The following WARS2 variants were observed in gnomAD, a reference collection of about 807,000 sequenced individuals.
The protein encoded by WARS2 is tryptophanyl tRNA synthetase 2, mitochondrial, also known as tryptophan--tRNA ligase, mitochondrial.
WARS2 carries 28 observed loss-of-function variants against 36.5 expected under a neutral mutation model. That is an observed-to-expected ratio of 0.77 (90% confidence interval 0.57 to 1.05). WARS2 has a LOEUF of 1.05. WARS2 is among the 50% of genes least tolerant of loss of function. WARS2 has a pLI of 0.00. For missense variants in WARS2, 435 were observed against 456.8 expected, an observed-to-expected ratio of 0.95 and a Z score of 0.44; for synonymous variants, 174 against 178.4, an observed-to-expected ratio of 0.98 and a Z score of 0.20.
chr1:119,043,267 A>C (rs191755268), intron 3 of WARS2, among the ~76,000 whole-genome samples: 4 of 152,318 alleles, frequency 2.6e-5, no homozygotes, highest in Admixed American at 2.6e-4. Flanking sequence ...TGTGTAGACA[A>C]ATCTTACTCA....
chr1:119,105,525 A>G (rs1227365177), intron 1 of WARS2, among the ~76,000 whole-genome samples: 1 of 152,144 alleles, frequency 6.6e-6, no homozygotes, highest in Non-Finnish European at 1.5e-5. Flanking sequence ...AGGTTGGTGG[A>G]GTGGGGAGCC....
intron 2 of WARS2, among the ~76,000 whole-genome samples, chr1:119,072,752 A>G (rs1651423084): frequency 6.6e-6 from 1 of 152,204 alleles, no homozygotes; most frequent in Admixed American, 6.5e-5. Flanking sequence ...GCGTCATTAC[A>G]GTATTATGGT....
intron 2 of WARS2, chr1:119,063,650 G>A (rs1296816343): frequency 6.6e-6 from 1 of 152,240 alleles, no homozygotes; most frequent in African/African-American, 2.4e-5. Context: ...CTCCAGCTGT[G>A]GCTGAAAGGG....
chr1:119,036,094 C>A (rs2101102991), intron 4 of WARS2, among the ~76,000 whole-genome samples: 1 of 152,274 alleles, frequency 6.6e-6, no homozygotes, highest in African/African-American at 2.4e-5. Flanking sequence ...ATCCCAGGTA[C>A]TCCGGAGGCT....
intron 1 of WARS2, among the ~76,000 whole-genome samples, chr1:119,107,457 T>G (rs1281200430): frequency 6.6e-6 from 1 of 152,048 alleles, no homozygotes; most frequent in Non-Finnish European, 1.5e-5. Context: ...AAGTGAAGGG[T>G]GTAGTGTCTG....
At chr1:119,035,611 AC>A (rs1442517500) in intron 4 of WARS2, among the ~76,000 whole-genome samples, 1 of 152,202 alleles carries the variant, frequency 6.6e-6, no homozygotes, top group Non-Finnish European at 1.5e-5. Context: ...GATGAGGGGT[AC>A]ACTGACTTTT....
intron 1 of WARS2, among the ~76,000 whole-genome samples, chr1:119,134,319 C>CAAAAAAAAAAAAAAAAAAAAAA (rs761321480): frequency 1.3e-3 from 83 of 65,868 alleles, no homozygotes; most frequent in East Asian, 3.7e-3. Context: ...GGCAAAGGGG[C>CAAAAAAAAAAAAAAAAAAAAAA]AAAAAAAAAA....
intron 2 of WARS2, chr1:119,064,856 TAAAGG>T (rs1470180485): frequency 6.6e-6 from 1 of 150,410 alleles, no homozygotes; most frequent in African/African-American, 2.5e-5. Context: ...ATACCTATCT[TAAAGG>T]AAAGTCTCAA....
chr1:119,122,442 T>C (rs1234515724), intron 1 of WARS2, among the ~76,000 whole-genome samples: 1 of 152,198 alleles, frequency 6.6e-6, no homozygotes, highest in African/African-American at 2.4e-5. Flanking sequence ...ACACTGCTGG[T>C]AGGAATGTAA....
chr1:119,111,711 G>C (rs1654647935), intron 1 of WARS2, among the ~76,000 whole-genome samples: 1 of 152,112 alleles, frequency 6.6e-6, no homozygotes, highest in Non-Finnish European at 1.5e-5. Flanking sequence ...AGTTTTCCAT[G>C]CTGAGCCTCC....
chr1:119,049,085 G>A (rs765599044), intron 2 of WARS2, among the ~76,000 whole-genome samples: 17 of 152,028 alleles, frequency 1.1e-4, no homozygotes, highest in Non-Finnish European at 2.4e-4. Flanking sequence ...AATATAAAAA[G>A]TAAAAAATAA....
In WARS2 at chr1:119,032,683, C is replaced by G; in HGVS notation, c.*228G>C. On this transcript the variant is annotated 3_prime_UTR_variant, in exon 6 of 6. Transcript: ENST00000235521. ...TAATTGGGGATTCAGACAGCTATGCCTTCTTGATTTATTTTTTGTTGTTGT... is the reference window on the plus strand; with the variant it reads ...TAATTGGGGATTCAGACAGCTATGCGTTCTTGATTTATTTTTTGTTGTTGT... The G allele has an allele frequency of 1.8e-6, 1 of 544,534 alleles. No individual in the cohort carries two copies. Among genetic ancestry groups the G allele is most frequent in the Middle Eastern group, 4.8e-4 (1 of 2,074 alleles). 33.7% of individuals were successfully genotyped at this position (544,534 alleles called of 1,614,324 possible). A position where few individuals can be genotyped will look rare whatever the true frequency, so the allele number is the denominator to read the frequency against.
intron 1 of WARS2, among the ~76,000 whole-genome samples, chr1:119,134,194 G>A (rs1174206629): frequency 6.6e-6 from 1 of 151,778 alleles, no homozygotes; most frequent in Non-Finnish European, 1.5e-5. Flanking sequence ...AGGAGAAACT[G>A]ACATTCTTGC....
chr1:119,052,028 G>A (rs1649406531), intron 2 of WARS2, among the ~76,000 whole-genome samples: 1 of 151,928 alleles, frequency 6.6e-6, no homozygotes, highest in Admixed American at 6.6e-5. Context: ...CCAAAGTGCT[G>A]GGATTAAAGG....
At chr1:119,140,473 G>T in intron 1 of WARS2, 82 bp downstream of exon 1, 1 of 1,299,654 alleles carries the variant, frequency 7.7e-7, no homozygotes, top group South Asian at 1.3e-5. Context: ...GAAGCGGGAG[G>T]AGAGAAATAA....
chr1:119,073,141 A>G (rs1486694381), intron 2 of WARS2, among the ~76,000 whole-genome samples: 2 of 151,662 alleles, frequency 1.3e-5, no homozygotes, highest in African/African-American at 4.9e-5. Flanking sequence ...GAGCAAGACC[A>G]TATCTCTAGT....
intron 2 of WARS2, among the ~76,000 whole-genome samples, chr1:119,045,995 G>A (rs1190726118): frequency 1.3e-5 from 2 of 151,512 alleles, no homozygotes; most frequent in Non-Finnish European, 2.9e-5. Flanking sequence ...TATTAAGAAG[G>A]CACACACACA....
At position 119,140,577 on chromosome 1, in the gene WARS2, G is replaced by A; in HGVS notation, c.68C>T (p.Ser23Phe). 2 of 1,613,656 alleles carry A rather than the reference G, an allele frequency of 1.2e-6. No homozygotes were observed. Among genetic ancestry groups the A allele is most frequent in the Non-Finnish European group, 1.7e-6 (2 of 1,179,634 alleles). The change falls in exon 1 of 6, where the codon TCC becomes TTC. Residue 23 changes from serine (S) to phenylalanine (F), a missense_variant. Ser to Phe is a radical substitution (Grantham distance 155, BLOSUM62 -2). Transcript: ENST00000235521. ...WSFIRALHKGSAAAPALQKDS... is the reference protein window; with the variant it reads ...WSFIRALHKGFAAAPALQKDS... The stretch of plus-strand genomic sequence containing the variant: ...TACCTGGAGAGCGGGAGCAGCTGCG[G>A]ATCCCTTATGAAGTGCCCGGATGAA...
chr1:119,128,464 G>A (rs954542716), intron 1 of WARS2, among the ~76,000 whole-genome samples: 1 of 152,008 alleles, frequency 6.6e-6, no homozygotes, highest in African/African-American at 2.4e-5. Context: ...ACACTCTAAT[G>A]ATTCTTCTGC....
Sources: gnomAD v4.1 joint callset for allele counts (sites outside exome capture counted in the v4.1 genomes callset) on GRCh38, gnomAD v4.1.1 for gene constraint, MANE v1.5 for transcripts, NCBI Gene and HGNC (gene_info 2026-07-23, HGNC 2026-07-21) for gene names.